The following PCDHA6 variants were observed in gnomAD, a reference collection of about 807,000 sequenced individuals.
The protein encoded by PCDHA6 is protocadherin alpha-6.
Under a neutral mutation model 60.3 loss-of-function variants are expected in PCDHA6, and 55 were observed. The ratio of observed to expected loss-of-function variants is 0.91; its 90% CI spans 0.73 to 1.14. The LOEUF (loss-of-function observed/expected upper bound fraction) is 1.14. PCDHA6 is among the 50% of genes most tolerant of loss of function. PCDHA6 has a pLI of 0.00. For synonymous variants in PCDHA6, 652 were observed against 557.9 expected (o/e 1.17, Z -2.38); for missense variants, 1,327 against 1,256.5 (o/e 1.06, Z -0.85).
At chr5:140,926,155 T>TGCAGCAGGATCCAGCGCGGAAAGCCCC (rs1563077309) in intron 1 of PCDHA6, among the ~76,000 whole-genome samples, 3 of 152,076 alleles carry the variant, frequency 2.0e-5, no homozygotes, top group African/African-American at 4.8e-5. Context: ...CGGAAAGCTC[T>TGCAGCAGGATCCAGCGCGGAAAGCCCC]GCAGCAGGAT....
chr5:140,979,146 TC>T (rs2096836943), intron 2 of PCDHA6, 139 bp downstream of exon 2: 2 of 1,444,078 alleles, frequency 1.4e-6, no homozygotes, highest in African/African-American at 2.9e-5. Context: ...AATTATTTTG[TC>T]CCCATGTTTA....
chr5:140,884,514 C>G, intron 1 of PCDHA6: 21 of 1,614,176 alleles, frequency 1.3e-5, no homozygotes, highest in South Asian at 2.2e-5. Flanking sequence ...GGGAGTTGGT[C>G]GTACTCGCAG....
chr5:140,932,875 T>G (rs935730456), intron 1 of PCDHA6, among the ~76,000 whole-genome samples: 9 of 151,998 alleles, frequency 5.9e-5, no homozygotes, highest in African/African-American at 1.7e-4. Flanking sequence ...TTTGTTGTCT[T>G]CAATATTTTC....
chr5:140,970,078 A>G (rs1260486106), intron 1 of PCDHA6, among the ~76,000 whole-genome samples: 2 of 152,124 alleles, frequency 1.3e-5, no homozygotes, highest in African/African-American at 4.8e-5. Context: ...TGAGTGGATT[A>G]GGGGTGTGGG....
At chr5:140,967,609 C>T (rs1026350659) in intron 1 of PCDHA6, 26 of 1,614,056 alleles carry the variant, frequency 1.6e-5, no homozygotes, top group Middle Eastern at 1.6e-4. Flanking sequence ...AGCTGAATGC[C>T]TCAGACCCGG....
chr5:140,938,293 C>G (rs896897734), intron 1 of PCDHA6, among the ~76,000 whole-genome samples: 1 of 152,110 alleles, frequency 6.6e-6, no homozygotes, highest in African/African-American at 2.4e-5. Flanking sequence ...CTGTCATTGC[C>G]TATGAAATTC....
At chr5:140,979,350 A>T (rs113796939) in intron 2 of PCDHA6, among the ~76,000 whole-genome samples, 1,685 of 150,698 alleles carry the variant, frequency 0.011, 22 homozygotes, top group East Asian at 0.044. Flanking sequence ...TGTAATTAAT[A>T]CTCATGCTTT....
chr5:140,848,620 G>A lies in PCDHA6; in HGVS notation c.2394+18135G>A, dbSNP rs149227021. 3.5e-4 allele frequency: 562 copies of A among 1,593,402 alleles called. 59 individuals are homozygous for A. Among genetic ancestry groups the A allele is most frequent in the Non-Finnish European group, 4.4e-4 (511 of 1,163,966 alleles). On this transcript the variant is annotated intron_variant, in intron 1 of 3. Coordinates refer to ENST00000529310, the MANE Select transcript of PCDHA6 (RefSeq NM_018909.4). Reference sequence around the variant, plus strand: ...TCCGTCCCGGAGGAAGCCGAACACGGCACCTTCGTGGGCCGCATCGCGCAG... The same window carrying A: ...TCCGTCCCGGAGGAAGCCGAACACGACACCTTCGTGGGCCGCATCGCGCAG...
Position 140,829,682 on chromosome 5 carries a change from CT to C in PCDHA6, c.1592del (p.Leu531ArgfsTer5). ...GCTGGACCACGAGGAGCTAGAGCTGCTGCAGTTTCAGGTGAGCGCGCGCGAC... is the reference window on the plus strand; with the variant it reads ...GCTGGACCACGAGGAGCTAGAGCTGCGCAGTTTCAGGTGAGCGCGCGCGAC... ...QPLDHEELELLQFQVSARDAG... is the reference protein window; with the variant it reads ...QPLDHEELELXQFQVSARDAG... On this transcript the variant is annotated frameshift_variant, in exon 1 of 4. Coordinates refer to ENST00000529310, the MANE Select transcript of PCDHA6 (RefSeq NM_018909.4). LOFTEE classifies it high-confidence loss of function. 6.2e-7 allele frequency: 1 copy of C among 1,613,258 alleles called. No individual in the cohort carries two copies. Among genetic ancestry groups the C allele is most frequent in the South Asian group, 1.1e-5 (1 of 91,050 alleles).
chr5:140,856,690 T>A (rs1368181199), intron 1 of PCDHA6: 2 of 1,597,086 alleles, frequency 1.3e-6, no homozygotes, highest in East Asian at 2.2e-5. Context: ...TGACAGCAAC[T>A]GATGGAGGCA....
intron 1 of PCDHA6, chr5:140,868,497 T>C (rs1458506620): frequency 1.3e-5 from 2 of 152,376 alleles, no homozygotes; most frequent in Admixed American, 6.5e-5. Flanking sequence ...TTGAGTTCCC[T>C]AGCAGCCAAA....
intron 1 of PCDHA6, chr5:140,841,712 C>T (rs1444200684): frequency 9.9e-6 from 16 of 1,613,754 alleles, no homozygotes; most frequent in Non-Finnish European, 1.4e-5. Flanking sequence ...TGACAACCCG[C>T]CAGTGTTCCG....
At chr5:140,912,578 A>G (rs2075983045) in intron 1 of PCDHA6, among the ~76,000 whole-genome samples, 1 of 152,052 alleles carries the variant, frequency 6.6e-6, no homozygotes, top group Admixed American at 6.5e-5. Context: ...CCTCTTTTCC[A>G]ATTTGGATGC....
intron 1 of PCDHA6, among the ~76,000 whole-genome samples, chr5:140,954,160 A>G (rs1231258623): frequency 6.6e-6 from 1 of 152,188 alleles, no homozygotes; most frequent in Non-Finnish European, 1.5e-5. Flanking sequence ...TATATGTACC[A>G]CATTTTCTTT....
chr5:140,931,136 C>T (rs2087318079), intron 1 of PCDHA6, among the ~76,000 whole-genome samples: 1 of 152,166 alleles, frequency 6.6e-6, no homozygotes, highest in African/African-American at 2.4e-5. Context: ...GTGATATTTG[C>T]AGTGGATACT....
intron 1 of PCDHA6, among the ~76,000 whole-genome samples, chr5:140,904,906 G>C (rs2071460962): frequency 6.6e-6 from 1 of 152,026 alleles, no homozygotes; most frequent in African/African-American, 2.4e-5. Context: ...TTTTCTTACT[G>C]ATTTGTTTGA....
intron 1 of PCDHA6, chr5:140,866,984 A>G (rs2049692494): frequency 6.6e-6 from 1 of 152,180 alleles, no homozygotes; most frequent in African/African-American, 2.4e-5. Flanking sequence ...ATCACAGCCA[A>G]AATGCAAAAG....
intron 1 of PCDHA6, chr5:140,849,996 G>T (rs2150462323): frequency 6.3e-7 from 1 of 1,597,124 alleles, no homozygotes; most frequent in East Asian, 2.2e-5. Context: ...GCGGTTGGGC[G>T]AGCGCTCGCT....
At chr5:140,921,726 A>C (rs1278671755) in intron 1 of PCDHA6, among the ~76,000 whole-genome samples, 1 of 152,170 alleles carries the variant, frequency 6.6e-6, no homozygotes, top group East Asian at 1.9e-4. Flanking sequence ...AATTACTCCC[A>C]TAAAAATTAT....
Sources: allele counts gnomAD v4.1 joint callset (sites outside exome capture counted in the v4.1 genomes callset), GRCh38; gene constraint gnomAD v4.1.1; transcripts MANE v1.5; gene names NCBI Gene and HGNC (gene_info 2026-07-23, HGNC 2026-07-21).